The following GALNT13 variants were observed in gnomAD, a reference collection of about 807,000 sequenced individuals.
GALNT13 encodes UDP-GalNAc:polypeptide N-acetylgalactosaminyltransferase 13.
GALNT13 carries 28 observed loss-of-function variants against 64.2 expected under a neutral mutation model. That is an observed-to-expected ratio of 0.44 (90% CI 0.32 to 0.60). GALNT13 has a LOEUF of 0.60. GALNT13 is among the 20% of genes least tolerant of loss of function. GALNT13 has a pLI of 0.05. For synonymous variants in GALNT13, 214 were observed against 224.6 expected (o/e 0.95, Z 0.42); for missense variants, 577 against 669.8 (o/e 0.86, Z 1.53).
At chr2:153,835,317 T>C in the GALNT13 span, among the ~76,000 whole-genome samples, 2 of 152,048 alleles carry the variant, frequency 1.3e-5, no homozygotes, top group Non-Finnish European at 2.9e-5. Context: ...ACATGCAAGA[T>C]AGATAGAATT....
chr2:153,816,783 T>C, the GALNT13 span, among the ~76,000 whole-genome samples: 1 of 152,212 alleles, frequency 6.6e-6, no homozygotes, highest in Non-Finnish European at 1.5e-5. Flanking sequence ...CCATATGACC[T>C]GGCAAATTCC....
intron 8 of GALNT13, among the ~76,000 whole-genome samples, chr2:154,265,330 A>G (rs1003607511): frequency 6.6e-6 from 1 of 152,144 alleles, no homozygotes; most frequent in Non-Finnish European, 1.5e-5. Context: ...ATACTTTAAA[A>G]ATAATTTTTA....
chr2:153,788,755 A>G, the GALNT13 span, among the ~76,000 whole-genome samples: 3 of 152,186 alleles, frequency 2.0e-5, no homozygotes, highest in African/African-American at 7.2e-5. Context: ...ATGGAGGGAA[A>G]TCTGCCGAGG....
intron 11 of GALNT13, among the ~76,000 whole-genome samples, chr2:154,430,489 A>G (rs1449208961): frequency 2.0e-5 from 3 of 152,204 alleles, no homozygotes; most frequent in Non-Finnish European, 4.4e-5. Context: ...ATGAATGAGC[A>G]TTGCTTCTTA....
At chr2:154,313,549 G>A (rs147612623) in intron 9 of GALNT13, among the ~76,000 whole-genome samples, 3,148 of 151,732 alleles carry the variant, frequency 0.021, 98 homozygotes, top group African/African-American at 0.066. Flanking sequence ...CCACCTCCCG[G>A]GTTCAAGCGA....
chr2:153,128,988 A>G, the GALNT13 span, among the ~76,000 whole-genome samples: 2 of 152,280 alleles, frequency 1.3e-5, no homozygotes, highest in South Asian at 4.1e-4. Flanking sequence ...TGGGAATTCA[A>G]GATGAGATTT....
At chr2:153,524,440 C>T in the GALNT13 span, among the ~76,000 whole-genome samples, 7 of 151,606 alleles carry the variant, frequency 4.6e-5, no homozygotes, top group East Asian at 1.9e-4. Context: ...CTATAAGAAC[C>T]AAAAGTCAGA....
At chr2:153,733,472 A>C in the GALNT13 span, among the ~76,000 whole-genome samples, 2 of 152,214 alleles carry the variant, frequency 1.3e-5, no homozygotes, top group African/African-American at 4.8e-5. Context: ...GAGAAAAATC[A>C]GTTGGATACA....
chr2:153,345,685 T>TTC, the GALNT13 span, among the ~76,000 whole-genome samples: 2 of 141,868 alleles, frequency 1.4e-5, no homozygotes, highest in East Asian at 4.2e-4. Flanking sequence ...CTTTCTTTCT[T>TTC]TCTTTCTTTC....
intron 9 of GALNT13, among the ~76,000 whole-genome samples, chr2:154,356,925 A>C (rs1395665274): frequency 6.6e-6 from 1 of 151,988 alleles, no homozygotes; most frequent in African/African-American, 2.4e-5. Flanking sequence ...TCTGTTTAGG[A>C]AAAGCTTTTG....
At chr2:154,422,898 G>A (rs1180345943) in intron 11 of GALNT13, among the ~76,000 whole-genome samples, 4 of 152,024 alleles carry the variant, frequency 2.6e-5, no homozygotes, top group Admixed American at 6.6e-5. Context: ...CAAGTGACCC[G>A]TGAGGTGGAC....
chr2:153,198,922 A>G, the GALNT13 span, among the ~76,000 whole-genome samples: 1 of 152,136 alleles, frequency 6.6e-6, no homozygotes, highest in African/African-American at 2.4e-5. Context: ...TTTAGGGGGC[A>G]TTTGTCAAAA....
At chr2:153,872,481 G>T (rs955955382) in intron 1 of GALNT13, among the ~76,000 whole-genome samples, 178 bp downstream of exon 1, 32 of 152,046 alleles carry the variant, frequency 2.1e-4, no homozygotes, top group African/African-American at 7.2e-4. Context: ...CGGACCTGGC[G>T]ACGCGGCCTC....
intron 8 of GALNT13, among the ~76,000 whole-genome samples, chr2:154,261,078 T>A (rs925483725): frequency 4.6e-5 from 7 of 152,060 alleles, no homozygotes; most frequent in African/African-American, 1.2e-4. Context: ...AATAATATGA[T>A]AAACAAGGAG....
At chr2:153,285,480 G>A in the GALNT13 span, among the ~76,000 whole-genome samples, 65,638 of 152,006 alleles carry the variant, frequency 0.43, 15,882 homozygotes, top group African/African-American at 0.67. Flanking sequence ...AATGTTCAGT[G>A]TTATCAAAAC....
the GALNT13 span, among the ~76,000 whole-genome samples, chr2:153,569,907 T>G: frequency 6.6e-6 from 1 of 152,180 alleles, no homozygotes; most frequent in African/African-American, 2.4e-5. Flanking sequence ...TCAATTGTTT[T>G]AATTTTTAGA....
At chr2:154,270,985 C>A (rs1208967526) in intron 8 of GALNT13, among the ~76,000 whole-genome samples, 3 of 151,870 alleles carry the variant, frequency 2.0e-5, no homozygotes, top group Non-Finnish European at 4.4e-5. Flanking sequence ...GGTCAATTCA[C>A]ATTTGAATTA....
At chr2:154,374,426 A>G (rs1436448755) in intron 9 of GALNT13, among the ~76,000 whole-genome samples, 3 of 152,214 alleles carry the variant, frequency 2.0e-5, no homozygotes, top group Non-Finnish European at 4.4e-5. Context: ...CTTGTTTAGT[A>G]CAAGGAAAAC....
chr2:154,205,276 G>A (rs1687378391), intron 4 of GALNT13, among the ~76,000 whole-genome samples: 1 of 152,068 alleles, frequency 6.6e-6, no homozygotes, highest in African/African-American at 2.4e-5. Flanking sequence ...ACCTAAAGAA[G>A]CATTATCTTT....
Sources: allele counts gnomAD v4.1 joint callset (sites outside exome capture counted in the v4.1 genomes callset), GRCh38; gene constraint gnomAD v4.1.1; transcripts MANE v1.5; gene names NCBI Gene and HGNC (gene_info 2026-07-23, HGNC 2026-07-21).